The following RBMS3 variants were observed in gnomAD, a reference collection of about 807,000 sequenced individuals.
RBMS3 encodes RNA-binding motif, single-stranded-interacting protein 3.
A neutral mutation model predicts 66.8 loss-of-function variants in RBMS3; 27 were observed. That is an observed-to-expected ratio of 0.40 (90% CI 0.30 to 0.56). The LOEUF (loss-of-function observed/expected upper bound fraction) is 0.56, where lower values mean the gene tolerates loss of function less well. Ranked by LOEUF, RBMS3 falls within the 20% of genes least tolerant of loss-of-function variation. The pLI is 0.40. For missense variants in RBMS3, 513 were observed against 549.5 expected (o/e 0.93, Z 0.66); for synonymous variants, 188 against 183.0 (o/e 1.03, Z -0.22).
At chr3:29,788,720 T>C (rs1039427182) in intron 6 of RBMS3, among the ~76,000 whole-genome samples, 5 of 152,338 alleles carry the variant, frequency 3.3e-5, no homozygotes, top group Non-Finnish European at 1.5e-5. Flanking sequence ...GTATCTTTTT[T>C]CTCATTGATA....
intron 1 of RBMS3, among the ~76,000 whole-genome samples, chr3:29,381,912 A>G (rs2038779140): frequency 6.6e-6 from 1 of 152,208 alleles, no homozygotes; most frequent in Non-Finnish European, 1.5e-5. Flanking sequence ...GGCCTAGCAT[A>G]GGAACAGCTT....
chr3:29,696,373 G>C (rs777477218), intron 4 of RBMS3, among the ~76,000 whole-genome samples: 8 of 152,098 alleles, frequency 5.3e-5, no homozygotes, highest in Non-Finnish European at 8.8e-5. Context: ...CTGAATAAAT[G>C]GTACCTGCCA....
At chr3:29,327,680 T>C (rs1215561745) in intron 1 of RBMS3, among the ~76,000 whole-genome samples, 1 of 152,226 alleles carries the variant, frequency 6.6e-6, no homozygotes, top group Admixed American at 6.5e-5. Flanking sequence ...TGTGTGTTCT[T>C]GTGTATTGCA....
chr3:29,691,811 A>G (rs921511553), intron 4 of RBMS3, among the ~76,000 whole-genome samples: 3 of 152,072 alleles, frequency 2.0e-5, no homozygotes, highest in Non-Finnish European at 2.9e-5. Context: ...TCTAGATGCC[A>G]TCTTTTCTCT....
At chr3:29,701,171 G>T (rs1301856334) in intron 4 of RBMS3, among the ~76,000 whole-genome samples, 1 of 152,082 alleles carries the variant, frequency 6.6e-6, no homozygotes. Context: ...CAGCTACTTG[G>T]AAGGCTGAGG....
chr3:29,535,128 T>C (rs562040574), intron 3 of RBMS3, among the ~76,000 whole-genome samples: 1 of 152,246 alleles, frequency 6.6e-6, no homozygotes, highest in African/African-American at 2.4e-5. Flanking sequence ...TGGAATTCCG[T>C]TGTCAGAAAA....
intron 12 of RBMS3, among the ~76,000 whole-genome samples, chr3:29,948,008 A>C (rs1162517013): frequency 2.0e-5 from 3 of 151,512 alleles, no homozygotes; most frequent in Non-Finnish European, 4.4e-5. Context: ...GGGCCTGAAA[A>C]ATACACTGAA....
chr3:29,847,857 C>T (rs1456091281), intron 6 of RBMS3, among the ~76,000 whole-genome samples: 1 of 152,000 alleles, frequency 6.6e-6, no homozygotes, highest in Non-Finnish European at 1.5e-5. Context: ...GGGGTGTCAC[C>T]GTGTTAACCA....
chr3:29,881,123 CT>C (rs1329892010), intron 7 of RBMS3, among the ~76,000 whole-genome samples: 1 of 152,078 alleles, frequency 6.6e-6, no homozygotes, highest in Non-Finnish European at 1.5e-5. Flanking sequence ...GCTCACTCAC[CT>C]TTCCATTTTT....
intron 4 of RBMS3, among the ~76,000 whole-genome samples, chr3:29,608,548 G>A (rs938514087): frequency 7.9e-5 from 12 of 151,916 alleles, no homozygotes; most frequent in Non-Finnish European, 1.5e-5. Flanking sequence ...CTATTATTTA[G>A]ATGACCAAAG....
chr3:29,763,322 T>G (rs757779601), intron 6 of RBMS3, among the ~76,000 whole-genome samples: 1 of 152,128 alleles, frequency 6.6e-6, no homozygotes, highest in African/African-American at 2.4e-5. Flanking sequence ...TTACAAAATA[T>G]CCAAACAATG....
intron 6 of RBMS3, among the ~76,000 whole-genome samples, chr3:29,824,131 G>T (rs765881746): frequency 6.5e-5 from 6 of 92,018 alleles, no homozygotes; most frequent in African/African-American, 2.5e-4. Context: ...CCCACCCCAC[G>T]CCAAATTCAT....
At chr3:29,537,188 A>G (rs112235479) in intron 3 of RBMS3, among the ~76,000 whole-genome samples, 67 of 152,078 alleles carry the variant, frequency 4.4e-4, no homozygotes, top group African/African-American at 1.6e-3. Flanking sequence ...AAACTGACAC[A>G]TGAGGGAAAG....
chr3:29,880,491 G>A (rs1326766797), intron 7 of RBMS3, among the ~76,000 whole-genome samples: 1 of 152,080 alleles, frequency 6.6e-6, no homozygotes, highest in African/African-American at 2.4e-5. Context: ...TAGTATAAAG[G>A]TAGCTCAACA....
rs79533092 is a variant in RBMS3, at chr3:30,007,759, C to T, written c.*3897C>T. Reference sequence around the variant, plus strand: ...AGTCCTCTACCTGACTCTAGTTTTGCGAGGATTAGTTTGTTTCCTTGGTAG... The same window carrying T: ...AGTCCTCTACCTGACTCTAGTTTTGTGAGGATTAGTTTGTTTCCTTGGTAG... On this transcript the variant is annotated 3_prime_UTR_variant, in exon 15 of 15. Transcript: ENST00000383767. 4.3e-4 allele frequency: 65 copies of T among 152,074 alleles called. No individual in the cohort carries two copies. The highest frequency in any genetic ancestry group is 1.4e-3 in the African/African-American group (57 of 41,514). The allele number at this position is 152,074 out of a possible 1,614,324, so 9.4% of individuals were successfully genotyped here. A position where few individuals can be genotyped will look rare whatever the true frequency, so the allele number is the denominator to read the frequency against.
At chr3:29,598,798 T>C (rs1293386293) in intron 4 of RBMS3, among the ~76,000 whole-genome samples, 1 of 152,090 alleles carries the variant, frequency 6.6e-6, no homozygotes, top group Non-Finnish European at 1.5e-5. Context: ...ATTTCTCCTA[T>C]AATACCTAAT....
chr3:29,696,359 A>G (rs2052275510), intron 4 of RBMS3, among the ~76,000 whole-genome samples: 1 of 152,238 alleles, frequency 6.6e-6, no homozygotes, highest in African/African-American at 2.4e-5. Flanking sequence ...GAACACAGTA[A>G]GTGCTGAATA....
At chr3:29,916,906 T>A (rs2060651746) in intron 10 of RBMS3, among the ~76,000 whole-genome samples, 1 of 151,994 alleles carries the variant, frequency 6.6e-6, no homozygotes, top group African/African-American at 2.4e-5. Flanking sequence ...TTTAGCAGAA[T>A]CAAGAACATT....
chr3:29,626,267 C>T (rs1188824858), intron 4 of RBMS3, among the ~76,000 whole-genome samples: 2 of 152,038 alleles, frequency 1.3e-5, no homozygotes, highest in African/African-American at 4.8e-5. Flanking sequence ...AATATTTGGC[C>T]TACCCCATTC....
Sources: allele counts gnomAD v4.1 joint callset (sites outside exome capture counted in the v4.1 genomes callset), GRCh38; gene constraint gnomAD v4.1.1; transcripts MANE v1.5; gene names NCBI Gene and HGNC (gene_info 2026-07-23, HGNC 2026-07-21).